The following LRFN2 variants were observed in gnomAD, a reference collection of about 807,000 sequenced individuals.
LRFN2 encodes the protein leucine rich repeat and fibronectin type III domain containing 2.
LRFN2 carries 18 observed loss-of-function variants against 37.3 expected under a neutral mutation model. That is an observed-to-expected ratio of 0.48 (90% CI 0.33 to 0.72). The LOEUF (loss-of-function observed/expected upper bound fraction) is 0.72. Ranked by LOEUF, LRFN2 falls within the 30% of genes least tolerant of loss-of-function variation. The pLI is 0.02. For missense variants in LRFN2, 1,006 were observed against 1,060.7 expected (o/e 0.95, Z 0.72); for synonymous variants, 556 against 466.6 (o/e 1.19, Z -2.47).
intron 1 of LRFN2, among the ~76,000 whole-genome samples, chr6:40,580,866 TGTGA>T (rs757496495): frequency 6.6e-5 from 10 of 152,172 alleles, no homozygotes; most frequent in Admixed American, 2.0e-4. Context: ...AATGTACAAG[TGTGA>T]GTATTTGGGA....
intron 1 of LRFN2, among the ~76,000 whole-genome samples, chr6:40,499,369 G>A (rs576597358): frequency 1.5e-3 from 229 of 152,048 alleles, no homozygotes; most frequent in Non-Finnish European, 2.3e-3. Flanking sequence ...CATTACAACC[G>A]AGCCTGCTCC....
chr6:40,397,716 G>T (rs757666332), intron 2 of LRFN2, among the ~76,000 whole-genome samples: 1 of 152,194 alleles, frequency 6.6e-6, no homozygotes, highest in South Asian at 2.1e-4. Context: ...TTTATCAAGG[G>T]GCTAGTTGTA....
chr6:40,395,118 C>T (rs1412952837), intron 2 of LRFN2, among the ~76,000 whole-genome samples: 2 of 151,606 alleles, frequency 1.3e-5, no homozygotes, highest in Non-Finnish European at 2.9e-5. Context: ...GCCAGCCCCA[C>T]AGGTCTATCT....
intron 1 of LRFN2, among the ~76,000 whole-genome samples, chr6:40,505,454 C>T (rs1025928604): frequency 1.3e-5 from 2 of 152,132 alleles, no homozygotes; most frequent in South Asian, 2.1e-4. Flanking sequence ...TCTAAAAGTC[C>T]GCAAATAACC....
At chr6:40,548,817 T>A (rs1246801499) in intron 1 of LRFN2, among the ~76,000 whole-genome samples, 1 of 152,204 alleles carries the variant, frequency 6.6e-6, no homozygotes, top group Non-Finnish European at 1.5e-5. Flanking sequence ...GCTATAGCCA[T>A]CTTGCTACCA....
chr6:40,424,221 A>G (rs1044596530), intron 2 of LRFN2, among the ~76,000 whole-genome samples: 1 of 152,120 alleles, frequency 6.6e-6, no homozygotes, highest in Admixed American at 6.5e-5. Flanking sequence ...TGTTTCCCCA[A>G]CATTGCTGGA....
intron 1 of LRFN2, among the ~76,000 whole-genome samples, chr6:40,476,006 T>C (rs962295976): frequency 1.3e-5 from 2 of 152,198 alleles, no homozygotes. Flanking sequence ...AGCTATATGT[T>C]ATGGTTGCAT....
chr6:40,521,782 T>C (rs1766075631), intron 1 of LRFN2, among the ~76,000 whole-genome samples: 1 of 151,914 alleles, frequency 6.6e-6, no homozygotes, highest in Admixed American at 6.6e-5. Context: ...TAGAACAGAA[T>C]AAAGACACCG....
At chr6:40,539,968 A>G (rs546305308) in intron 1 of LRFN2, among the ~76,000 whole-genome samples, 168 of 152,254 alleles carry the variant, frequency 1.1e-3, no homozygotes, top group Admixed American at 2.5e-3. Context: ...CCAGGAGAGA[A>G]CAGAGGCTGT....
At chr6:40,483,715 G>A (rs189119407) in intron 1 of LRFN2, among the ~76,000 whole-genome samples, 316 of 152,314 alleles carry the variant, frequency 2.1e-3, no homozygotes, top group African/African-American at 7.0e-3. Context: ...GTGGGCATGA[G>A]AAGGGGGAAG....
intron 1 of LRFN2, among the ~76,000 whole-genome samples, chr6:40,438,506 G>A (rs1168362447): frequency 6.6e-6 from 1 of 152,196 alleles, no homozygotes; most frequent in African/African-American, 2.4e-5. Flanking sequence ...GGTTAAAAGA[G>A]GTTTGAGCCT....
rs569766743 is a variant in LRFN2, at chr6:40,565,341, A to G, written c.-19+21600T>C. On this transcript the variant is annotated intron_variant, in intron 1 of 2. Coordinates refer to ENST00000338305, the MANE Select transcript of LRFN2 (RefSeq NM_020737.3). ...AATTTATAGATTCAATGCCATCCCC[A>G]TCAAGCTACCAATGACTTTCTTCAC... 4.6e-3 allele frequency among the ~76,000 whole-genome samples: 698 copies of G among 152,308 alleles called. 4 individuals are homozygous for G. The highest frequency in any genetic ancestry group is 0.015 in the African/African-American group (644 of 41,562).
At chr6:40,538,325 G>A (rs1766489606) in intron 1 of LRFN2, among the ~76,000 whole-genome samples, 1 of 152,070 alleles carries the variant, frequency 6.6e-6, no homozygotes, top group South Asian at 2.1e-4. Flanking sequence ...CAGCTGTGTA[G>A]CAGCCCCCCT....
chr6:40,480,359 C>T (rs1764799401), intron 1 of LRFN2, among the ~76,000 whole-genome samples: 1 of 152,108 alleles, frequency 6.6e-6, no homozygotes, highest in African/African-American at 2.4e-5. Flanking sequence ...CTCACTGCAG[C>T]CTCAACCTCC....
At chr6:40,561,437 G>A (rs1561908465) in intron 1 of LRFN2, among the ~76,000 whole-genome samples, 1 of 152,172 alleles carries the variant, frequency 6.6e-6, no homozygotes, top group African/African-American at 2.4e-5. Flanking sequence ...ATGTCTCCTA[G>A]AACTTCCCCA....
intron 1 of LRFN2, among the ~76,000 whole-genome samples, chr6:40,581,420 G>A (rs1187252846): frequency 6.6e-6 from 1 of 152,138 alleles, no homozygotes; most frequent in Admixed American, 6.5e-5. Context: ...AGAGCTAAAA[G>A]GAGAGCTCAT....
intron 2 of LRFN2, among the ~76,000 whole-genome samples, chr6:40,424,467 G>C (rs918855492): frequency 4.6e-5 from 7 of 152,100 alleles, no homozygotes; most frequent in African/African-American, 1.7e-4. Flanking sequence ...CTTTGCTTTG[G>C]ATAACTTTGT....
At chr6:40,463,670 A>ATT (rs66745321) in intron 1 of LRFN2, among the ~76,000 whole-genome samples, 1,142 of 76,448 alleles carry the variant, frequency 0.015, 30 homozygotes, top group Non-Finnish European at 0.017. Context: ...CTTTCTTTCT[A>ATT]TTTTTTTTTT....
At chr6:40,465,002 G>T (rs1764426943) in intron 1 of LRFN2, among the ~76,000 whole-genome samples, 1 of 152,134 alleles carries the variant, frequency 6.6e-6, no homozygotes, top group Non-Finnish European at 1.5e-5. Context: ...TTGCTAATCA[G>T]CAGACTGTAA....
Sources: gnomAD v4.1 joint callset for allele counts (sites outside exome capture counted in the v4.1 genomes callset) on GRCh38, gnomAD v4.1.1 for gene constraint, MANE v1.5 for transcripts, NCBI Gene and HGNC (gene_info 2026-07-23, HGNC 2026-07-21) for gene names.